Variants in DNAH3 observed in about 807,000 individuals in gnomAD.
DNAH3 encodes the protein axonemal beta dynein heavy chain 3.
A neutral mutation model predicts 432.5 loss-of-function variants in DNAH3; 332 were observed. That is an observed-to-expected ratio of 0.77 (90% CI 0.70 to 0.84). The LOEUF (loss-of-function observed/expected upper bound fraction) is 0.84, where lower values mean the gene tolerates loss of function less well. Among genes scored for constraint, DNAH3 ranks in the 40% least tolerant of loss-of-function variants. The pLI is 0.00. For synonymous variants in DNAH3, 1,956 were observed against 1,900.2 expected, an observed-to-expected ratio of 1.03 and a Z score of -0.76; for missense variants, 4,861 against 5,114.0, an observed-to-expected ratio of 0.95 and a Z score of 1.51.
chr16:21,069,565 T>C (rs1307575564), exon 23 of DNAH3: 1 of 1,610,996 alleles, frequency 6.2e-7, no homozygotes, highest in Non-Finnish European at 8.5e-7. Context: ...CCAAATTGTC[T>C]TGTATGCGAA....
intron 18 of DNAH3, among the ~76,000 whole-genome samples, chr16:21,088,147 T>C (rs1388483618): frequency 6.6e-6 from 1 of 152,082 alleles, no homozygotes; most frequent in African/African-American, 2.4e-5. Flanking sequence ...CTAACTTCAT[T>C]AATTTCACAT....
At chr16:21,115,297 C>T (rs1269807878) in intron 12 of DNAH3, among the ~76,000 whole-genome samples, 3 of 150,404 alleles carry the variant, frequency 2.0e-5, no homozygotes, top group South Asian at 2.1e-4. Flanking sequence ...ATGTAAATGA[C>T]GAGTTAATGG....
chr16:21,110,789 T>C (rs1374509397), intron 14 of DNAH3, among the ~76,000 whole-genome samples: 4 of 152,136 alleles, frequency 2.6e-5, no homozygotes, highest in Non-Finnish European at 4.4e-5. Flanking sequence ...GGGGATCACT[T>C]GAGCCTGGGA....
At chr16:21,152,763 C>A (rs1251426182) in intron 1 of DNAH3, among the ~76,000 whole-genome samples, 1 of 152,260 alleles carries the variant, frequency 6.6e-6, no homozygotes, top group Non-Finnish European at 1.5e-5. Flanking sequence ...GGAGGGTGTA[C>A]TGGGTCCCCC....
intron 9 of DNAH3, 82 bp downstream of exon 10, chr16:21,125,093 G>A (rs2092420125): frequency 2.6e-6 from 3 of 1,158,490 alleles, no homozygotes; most frequent in South Asian, 1.9e-5. Context: ...CACAGCTGAG[G>A]ACGTACATGA....
rs1440538529 is a variant in DNAH3 at position 20,985,720 on chromosome 16, A to T, written c.7027-5T>A. 6.2e-7 allele frequency: 1 copy of T among 1,609,666 alleles called. No homozygotes were observed. The highest frequency in any genetic ancestry group is 1.7e-5 in the Admixed American group (1 of 59,782). ...GGGTGACAAGTGGATAAGCACCTGTAAGAAAAGTAAATCTCGGCGGGGCAT... is the reference window on the plus strand; with the variant it reads ...GGGTGACAAGTGGATAAGCACCTGTTAGAAAAGTAAATCTCGGCGGGGCAT... On this transcript the variant is annotated splice_polypyrimidine_tract_variant and splice_region_variant and intron_variant, in intron 47 of 61. Coordinates refer to ENST00000261383, the Ensembl canonical transcript of DNAH3.
chr16:21,065,443 G>A (rs1011152001), intron 24 of DNAH3, among the ~76,000 whole-genome samples: 1 of 151,964 alleles, frequency 6.6e-6, no homozygotes, highest in African/African-American at 2.4e-5. Context: ...TTACAGGCAG[G>A]AGCCACCACG....
In DNAH3 at chr16:20,968,818, TGTGA is replaced by T. The variant is rs560701884; in HGVS notation, c.8458+970_8458+973del. 4.6e-5 allele frequency among the ~76,000 whole-genome samples: 7 copies of T among 151,198 alleles called. No individual in the cohort carries two copies. The East Asian group carries it at 5.9e-4, about 13-fold the overall frequency. ...CCCCAACTCCTCTTCTCTGTCTTCG[TGTGA>T]GTGTTTTTTTCTCCCTGTCTCTGTC... On this transcript the variant is annotated intron_variant, in intron 52 of 61. Transcript: ENST00000261383.
chr16:21,108,333 T>C (rs900907145), intron 14 of DNAH3, among the ~76,000 whole-genome samples: 5 of 152,226 alleles, frequency 3.3e-5, no homozygotes, highest in African/African-American at 1.2e-4. Context: ...ATTATACATT[T>C]ATTTGGATAA....
At chr16:21,134,324 C>A in exon 7 of DNAH3, 1 of 1,614,120 alleles carries the variant, frequency 6.2e-7, no homozygotes. Flanking sequence ...GCTCCTCGTT[C>A]CACTTCTTGG....
At chr16:20,963,402 T>C in exon 53 of DNAH3, 1 of 1,614,120 alleles carries the variant, frequency 6.2e-7, no homozygotes, top group South Asian at 1.1e-5. Context: ...TTCCCATATG[T>C]TCAGCAATGA....
At chr16:21,077,416 G>T (rs972830652) in intron 20 of DNAH3, among the ~76,000 whole-genome samples, 1 of 152,154 alleles carries the variant, frequency 6.6e-6, no homozygotes, top group African/African-American at 2.4e-5. Context: ...GCCCGCCTCG[G>T]CCTCCCAAAG....
chr16:21,150,414 T>C lies in DNAH3; in HGVS notation c.118-4326A>G, dbSNP rs1006590508. On this transcript the variant is annotated intron_variant, in intron 1 of 61. It removes the in-frame stop codon of an upstream open reading frame in the 5' UTR. Transcript: ENST00000261383. ...CTCTCCTATCCAGTTGGTCTGAAAT[T>C]CACACTTCCTTATAGCATAATGGGG... 15 of 423,374 alleles carry C rather than the reference T, an allele frequency of 3.5e-5. No individual in the cohort carries two copies. The Admixed American group carries it at 4.7e-4, about 13-fold the overall frequency. The allele number at this position is 423,374 out of a possible 1,614,324, so 26.2% of individuals were successfully genotyped here.
At chr16:21,019,917 G>T in intron 40 of DNAH3, 48 bp from the exon 41 acceptor site, 1 of 1,598,470 alleles carries the variant, frequency 6.3e-7, no homozygotes, top group Non-Finnish European at 8.5e-7. Context: ...GAATGCCACA[G>T]ATGTAAGGGC....
chr16:20,936,833 C>G (rs1483881425), exon 60 of DNAH3: 3 of 1,612,432 alleles, frequency 1.9e-6, no homozygotes. Context: ...GATGAGGCTC[C>G]TCCGAACCAC....
At chr16:21,058,539 A>AT (rs1166696123) in intron 26 of DNAH3, among the ~76,000 whole-genome samples, 2 of 152,020 alleles carry the variant, frequency 1.3e-5, no homozygotes, top group East Asian at 1.9e-4. Flanking sequence ...CTGAGTCACA[A>AT]TTTTTTTAGC....
At chr16:21,143,405 G>C (rs904788988) in intron 3 of DNAH3, among the ~76,000 whole-genome samples, 1 of 152,146 alleles carries the variant, frequency 6.6e-6, no homozygotes, top group African/African-American at 2.4e-5. Context: ...GCAGCAAGAA[G>C]ATAGAGAAGA....
intron 19 of DNAH3, 82 bp downstream of exon 19, chr16:21,086,767 G>C (rs1049325079): frequency 8.1e-7 from 1 of 1,240,722 alleles, no homozygotes; most frequent in Non-Finnish European, 1.2e-6. Flanking sequence ...GCTTGACCTA[G>C]TAATGTTTCC....
At chr16:20,973,222 C>A (rs978803537) in intron 51 of DNAH3, among the ~76,000 whole-genome samples, 10 of 152,186 alleles carry the variant, frequency 6.6e-5, no homozygotes, top group African/African-American at 2.2e-4. Flanking sequence ...AACCTCAATG[C>A]TGTCAACTCT....
Sources: allele counts gnomAD v4.1 joint callset (sites outside exome capture counted in the v4.1 genomes callset), GRCh38; gene constraint gnomAD v4.1.1; transcripts MANE v1.5; gene names NCBI Gene and HGNC (gene_info 2026-07-23, HGNC 2026-07-21).